Variants in PPM1A observed in about 807,000 individuals in gnomAD.
The protein encoded by PPM1A is protein phosphatase, Mg2+/Mn2+ dependent 1A, also known as protein phosphatase 1A.
In PPM1A, 7 loss-of-function variants were observed where a neutral mutation model predicts 35.0. The ratio of observed to expected loss-of-function variants is 0.20; its 90% CI spans 0.11 to 0.38. The LOEUF is 0.38. Ranked by LOEUF, PPM1A falls within the 10% of genes least tolerant of loss-of-function variation. The pLI is 1.00. For missense variants in PPM1A, 239 were observed against 467.8 expected (o/e 0.51, Z 4.51); for synonymous variants, 153 against 167.3 (o/e 0.91, Z 0.66).
intron 1 of PPM1A, among the ~76,000 whole-genome samples, chr14:60,265,359 A>G (rs1884251495): frequency 6.6e-6 from 1 of 152,140 alleles, no homozygotes; most frequent in Non-Finnish European, 1.5e-5. Flanking sequence ...TATCCCAGCC[A>G]TGCATGGGTA....
chr14:60,285,608 A>T lies in PPM1A; in HGVS notation c.835-16A>T. On this transcript the variant is annotated splice_polypyrimidine_tract_variant and intron_variant, in intron 2 of 5. Transcript: ENST00000395076. ...AAAAAGAAAACTAAAATATTCTCAAATTTTTTTCTTCCCAGGGAAGTCGAG... is the reference window on the plus strand; with the variant it reads ...AAAAAGAAAACTAAAATATTCTCAATTTTTTTTCTTCCCAGGGAAGTCGAG... The T allele has an allele frequency of 5.0e-6, 8 of 1,610,748 alleles. No homozygotes were observed. The highest frequency in any genetic ancestry group is 1.3e-5 in the African/African-American group (1 of 74,808).
chr14:60,298,472 CGT>C lies in PPM1A; in HGVS notation c.*5991_*5992del, dbSNP rs1189109856. The C allele has an allele frequency of 1.3e-5, 2 of 151,636 alleles. No homozygotes were observed. The highest frequency in any genetic ancestry group is 3.0e-5 in the Non-Finnish European group (2 of 67,674). 9.4% of individuals were successfully genotyped at this position (151,636 alleles called of 1,614,324 possible). On this transcript the variant is annotated 3_prime_UTR_variant, in exon 6 of 6. Coordinates refer to ENST00000395076, the MANE Select transcript of PPM1A (RefSeq NM_021003.5). ...AATATAATAAGTACAATGTAACAAACGTATAGAATTTTGCATTTGTTGCCAAA... is the reference window on the plus strand; with the variant it reads ...AATATAATAAGTACAATGTAACAAACATAGAATTTTGCATTTGTTGCCAAA...
chr14:60,255,704 T>G (rs1883043334), intron 1 of PPM1A, among the ~76,000 whole-genome samples: 1 of 152,198 alleles, frequency 6.6e-6, no homozygotes, highest in Non-Finnish European at 1.5e-5. Flanking sequence ...AGCAGACGTT[T>G]CTGACTCTCT....
intron 1 of PPM1A, among the ~76,000 whole-genome samples, chr14:60,271,551 G>A (rs1418546973): frequency 6.6e-6 from 1 of 152,162 alleles, no homozygotes. Flanking sequence ...CTGATGCCAT[G>A]GTGGAAAAGT....
At chr14:60,281,328 C>T (rs151115035) in intron 1 of PPM1A, among the ~76,000 whole-genome samples, 222 of 152,286 alleles carry the variant, frequency 1.5e-3, no homozygotes, top group African/African-American at 4.9e-3. Flanking sequence ...GGTTTTATCA[C>T]GCCAATCAGC....
chr14:60,263,208 C>T (rs1004812460), intron 1 of PPM1A, among the ~76,000 whole-genome samples: 1 of 151,960 alleles, frequency 6.6e-6, no homozygotes, highest in Non-Finnish European at 1.5e-5. Context: ...CAGAGGGAGA[C>T]TCCGTCTCAA....
At chr14:60,248,297 G>T (rs1881923358), upstream of PPM1A, among the ~76,000 whole-genome samples, 1 of 152,204 alleles carries the variant, frequency 6.6e-6, no homozygotes, top group African/African-American at 2.4e-5. Context: ...TTATTCTCCT[G>T]ATTTTGAAAA....
upstream of PPM1A, chr14:60,249,149 A>AGCGGG (rs1249133512): frequency 1.1e-4 from 92 of 857,296 alleles, no homozygotes; most frequent in Non-Finnish European, 1.2e-4. This position sits in a 1 kb window ranked among gnomAD's most constrained non-coding sequence, Gnocchi z 4.5. Flanking sequence ...CGGCGGAGCC[A>AGCGGG]GCGGGGCGGG....
chr14:60,273,051 T>G lies in PPM1A; in HGVS notation c.-20-9633T>G, dbSNP rs1456068958. Among the ~76,000 whole-genome samples the G allele has an allele frequency of 6.6e-6, 1 of 152,218 alleles. No homozygotes were observed. The highest frequency in any genetic ancestry group is 2.4e-5 in the African/African-American group (1 of 41,456). On this transcript the variant is annotated intron_variant, in intron 1 of 5. Coordinates refer to ENST00000395076, the MANE Select transcript of PPM1A (RefSeq NM_021003.5). This position sits in a 1 kb window ranked among gnomAD's most constrained non-coding sequence, Gnocchi z 4.3. ...AAAAGGCTTCAACTGAGGAACACTTTCTTCTCATTTCTTTGATGATAGCTT... is the reference window on the plus strand; with the variant it reads ...AAAAGGCTTCAACTGAGGAACACTTGCTTCTCATTTCTTTGATGATAGCTT...
rs888534640 is a variant in PPM1A, at chr14:60,295,142, T to G, written c.*2660T>G. The G allele has an allele frequency of 3.3e-5, 5 of 151,794 alleles. No individual in the cohort carries two copies. The highest frequency in any genetic ancestry group is 1.2e-4 in the African/African-American group (5 of 41,424). 9.4% of individuals were successfully genotyped at this position (151,794 alleles called of 1,614,324 possible). A position where few individuals can be genotyped will look rare whatever the true frequency, so the allele number is the denominator to read the frequency against. On this transcript the variant is annotated 3_prime_UTR_variant, in exon 6 of 6. Transcript: ENST00000395076. ...AAGTTCTTATGTGATGATAATATAG[T>G]ACTCAAAATATACTTTTATCATTTA...
Position 60,273,513 on chromosome 14 carries a change from A to C in PPM1A, c.-20-9171A>C, listed in dbSNP as rs182055482. Among the ~76,000 whole-genome samples, 35 of 152,304 alleles carry C rather than the reference A, an allele frequency of 2.3e-4. No individual in the cohort carries two copies. The East Asian group carries it at 6.0e-3, about 26-fold the overall frequency. ...CAGGGCCTTCATGTGAGCCATATTA[A>C]GCAGTTATTTATCCACCTCCTACCC... On this transcript the variant is annotated intron_variant, in intron 1 of 5. Coordinates refer to ENST00000395076, the MANE Select transcript of PPM1A (RefSeq NM_021003.5). The surrounding 1 kb of genome is among the most constrained non-coding windows in gnomAD (Gnocchi z 4.3).
intron 1 of PPM1A, among the ~76,000 whole-genome samples, chr14:60,279,570 T>C (rs2139509977): frequency 6.6e-6 from 1 of 152,336 alleles, no homozygotes; most frequent in Non-Finnish European, 1.5e-5. Context: ...GAGTAGTTGC[T>C]TAAGTGTATC....
chr14:60,262,636 T>G (rs1280133212), intron 1 of PPM1A, among the ~76,000 whole-genome samples: 1 of 152,204 alleles, frequency 6.6e-6, no homozygotes, highest in Non-Finnish European at 1.5e-5. Flanking sequence ...GTTTGAGTTG[T>G]GATCGTGCCA....
intron 1 of PPM1A, among the ~76,000 whole-genome samples, chr14:60,274,303 G>C (rs1195052409): frequency 6.6e-6 from 1 of 152,134 alleles, no homozygotes; most frequent in Non-Finnish European, 1.5e-5. Context: ...AAGTGACTTG[G>C]AGGAACTTGA....
At chr14:60,278,558 T>G (rs1886029804) in intron 1 of PPM1A, among the ~76,000 whole-genome samples, 1 of 152,202 alleles carries the variant, frequency 6.6e-6, no homozygotes, top group Non-Finnish European at 1.5e-5. Context: ...CATCCTCTTT[T>G]CTTTGTCTTC....
At chr14:60,249,105 T>TCTGTAGCTGCGCGCCGCGCCGCAG (rs1413874412), upstream of PPM1A, 3 of 514,048 alleles carry the variant, frequency 5.8e-6, no homozygotes, top group Non-Finnish European at 7.5e-6. The surrounding 1 kb of genome is among the most constrained non-coding windows in gnomAD (Gnocchi z 4.5). Flanking sequence ...CATCCGGGTC[T>TCTGTAGCTGCGCGCCGCGCCGCAG]CTGTAGCTGC....
intron 1 of PPM1A, among the ~76,000 whole-genome samples, chr14:60,265,381 CCT>C (rs1211325856): frequency 6.6e-6 from 1 of 152,214 alleles, no homozygotes; most frequent in East Asian, 1.9e-4. Flanking sequence ...CTTTTTAGTC[CCT>C]GTTACTATCC....
intron 2 of PPM1A, among the ~76,000 whole-genome samples, chr14:60,284,804 G>C (rs1445375312): frequency 2.7e-5 from 4 of 150,766 alleles, no homozygotes; most frequent in Non-Finnish European, 5.9e-5. Flanking sequence ...ACGTGTACAG[G>C]GTTTTATACA....
upstream of PPM1A, among the ~76,000 whole-genome samples, chr14:60,247,649 A>G (rs1345357097): frequency 1.3e-5 from 2 of 151,220 alleles, no homozygotes; most frequent in Non-Finnish European, 3.0e-5. Flanking sequence ...AAAAAAAAAA[A>G]AAAAAAGTGA....
Sources: allele counts gnomAD v4.1 joint callset (sites outside exome capture counted in the v4.1 genomes callset), GRCh38; gene constraint gnomAD v4.1.1; non-coding constraint Gnocchi (gnomAD v3.1); transcripts MANE v1.5; gene names NCBI Gene and HGNC (gene_info 2026-07-23, HGNC 2026-07-21).